The following KIF22 variants were observed in gnomAD, a reference collection of about 807,000 sequenced individuals.
KIF22 encodes kinesin family member 22.
KIF22 carries 62 observed loss-of-function variants against 73.0 expected under a neutral mutation model. The ratio of observed to expected loss-of-function variants is 0.85; its 90% CI spans 0.69 to 1.05. The LOEUF is 1.05. KIF22 is among the 50% of genes least tolerant of loss of function. KIF22 has a pLI of 0.00. For synonymous variants in KIF22, 411 were observed against 340.1 expected, an observed-to-expected ratio of 1.21 and a Z score of -2.29; for missense variants, 854 against 870.1, an observed-to-expected ratio of 0.98 and a Z score of 0.23.
chr16:29,791,024 C>T, intron 1 of KIF22, 195 bp downstream of exon 1: 1 of 1,445,664 alleles, frequency 6.9e-7, no homozygotes, highest in Non-Finnish European at 9.1e-7. Context: ...TCCCTGTTTC[C>T]TGCTCTCCCC....
chr16:29,799,887 C>T (rs1431702092), intron 7 of KIF22, 26 bp from the exon 8 acceptor site: 35 of 1,613,248 alleles, frequency 2.2e-5, no homozygotes, highest in Non-Finnish European at 2.9e-5. Context: ...CAATCCCTCT[C>T]TCCACCCCAT....
chr16:29,800,058 G>A lies in KIF22; in HGVS notation c.1280+10G>A. ...CCTCCCAGAAACTCAGGTGAGCAGTGGGGCCTTGGGTGTATCCCCTTCCTG... is the reference window on the plus strand; with the variant it reads ...CCTCCCAGAAACTCAGGTGAGCAGTAGGGCCTTGGGTGTATCCCCTTCCTG... On this transcript the variant is annotated intron_variant, in intron 8 of 13. Transcript: ENST00000160827. 8 of 1,605,926 alleles carry A rather than the reference G, an allele frequency of 5.0e-6. No homozygotes were observed. Among genetic ancestry groups the A allele is most frequent in the Non-Finnish European group, 6.8e-6 (8 of 1,178,638 alleles).
At position 29,802,897 on chromosome 16, in the gene KIF22, T is replaced by C; in HGVS notation, c.1409T>C (p.Val470Ala). The C allele has an allele frequency of 6.2e-7, 1 of 1,612,486 alleles. No individual in the cohort carries two copies. Among genetic ancestry groups the C allele is most frequent in the Non-Finnish European group, 8.5e-7 (1 of 1,179,460 alleles). Residue 470 changes from valine (V) to alanine (A), a missense_variant, in exon 9 of 14, where the codon GTG (valine) becomes GCG (alanine). Physicochemically the swap from Val to Ala is moderately conservative, Grantham distance 64. Around this residue, in one of 3 missense-constraint regions of KIF22, gnomAD observed 423 missense variants for 365.4 expected, o/e 1.16. Coordinates refer to ENST00000160827, the MANE Select transcript of KIF22 (RefSeq NM_007317.3). The part of the protein sequence containing the change: ...LLSTPKRERM[V>A]LMKTVEEKDL... ...AGTACCCCAAAGCGAGAGCGGATGG[T>C]GCTAATGAAGACAGTGGAAGAGAAG...
intron 1 of KIF22, among the ~76,000 whole-genome samples, chr16:29,793,744 G>C (rs1898880807): frequency 6.6e-6 from 1 of 152,118 alleles, no homozygotes; most frequent in Admixed American, 6.6e-5. Flanking sequence ...GAATTAGCCA[G>C]CCCGAAATGT....
intron 8 of KIF22, among the ~76,000 whole-genome samples, chr16:29,802,169 A>C (rs1478638597): frequency 6.7e-6 from 1 of 148,390 alleles, no homozygotes; most frequent in Non-Finnish European, 1.5e-5. Flanking sequence ...CAGGAGGCTG[A>C]GACAGGGGGA....
chr16:29,803,279 C>G, intron 9 of KIF22, 170 bp from the exon 10 acceptor site: 1 of 747,994 alleles, frequency 1.3e-6, no homozygotes. Context: ...CCCCTAATCA[C>G]AGAAAGCCCT....
intron 1 of KIF22, among the ~76,000 whole-genome samples, chr16:29,795,778 C>CA (rs899661433): frequency 5.3e-5 from 8 of 151,758 alleles, no homozygotes; most frequent in Admixed American, 5.3e-4. Flanking sequence ...AATTCTAAAA[C>CA]AAAACAAAAC....
chr16:29,798,472 G>A lies in KIF22; in HGVS notation c.365G>A (p.Ser122Asn), dbSNP rs536422930. ...CACTTGCTGGAAGGGCAGAATGCCA[G>A]TGTGCTTGCCTATGGACCCACAGGA... ...LRHLLEGQNA[S>N]VLAYGPTGAG... Residue 122 changes from serine to asparagine, a missense_variant, in exon 3 of 14, where the codon AGT (serine) becomes AAT (asparagine). This residue lies in a region of KIF22 where 245 missense variants were observed against 351.8 expected (regional missense o/e 0.70). Coordinates refer to ENST00000160827, the MANE Select transcript of KIF22 (RefSeq NM_007317.3). The surrounding 1 kb of genome is among the most constrained non-coding windows in gnomAD (Gnocchi z 4.1). 1 of 1,614,212 alleles carries A rather than the reference G, an allele frequency of 6.2e-7. No individual in the cohort carries two copies. Among genetic ancestry groups the A allele is most frequent in the African/African-American group, 1.3e-5 (1 of 75,066 alleles).
At position 29,799,649 on chromosome 16, in the gene KIF22, C is replaced by G; in HGVS notation, c.1012C>G (p.His338Asp). 1.2e-6 allele frequency: 2 copies of G among 1,614,080 alleles called. No homozygotes were observed. The highest frequency in any genetic ancestry group is 4.5e-5 in the East Asian group (2 of 44,888). ...TCAGGACTCTCTGGGTGGCTCAGCC[C>G]ACAGTATCCTTATTGCCAACATTGC... is the stretch of plus-strand genomic sequence containing the variant. ...LLQDSLGGSA[H>D]SILIANIAPE... The change falls in exon 7 of 14, where the codon CAC becomes GAC. Residue 338 changes from histidine (H) to aspartate (D), a missense_variant. By Grantham distance (81) the His-to-Asp change is moderately conservative. Coordinates refer to ENST00000160827, the MANE Select transcript of KIF22 (RefSeq NM_007317.3).
intron 10 of KIF22, 78 bp downstream of exon 10, chr16:29,803,686 C>T: frequency 8.4e-7 from 1 of 1,189,262 alleles, no homozygotes; most frequent in Non-Finnish European, 1.2e-6. Flanking sequence ...GCAGCTGTCT[C>T]CATGTCATTC....
intron 11 of KIF22, chr16:29,804,605 C>T (rs1252430246): frequency 1.4e-6 from 1 of 695,504 alleles, no homozygotes; most frequent in East Asian, 2.7e-5. Flanking sequence ...CTAATATTAC[C>T]ACTGGGTACT....
intron 1 of KIF22, among the ~76,000 whole-genome samples, chr16:29,796,622 A>G (rs1898958633): frequency 1.3e-5 from 2 of 151,820 alleles, no homozygotes; most frequent in African/African-American, 4.8e-5. Flanking sequence ...GCATCACCCC[A>G]GGGAGACGGA....
intron 1 of KIF22, chr16:29,792,475 C>A: frequency 1.2e-6 from 1 of 850,880 alleles, no homozygotes; most frequent in Non-Finnish European, 1.4e-6. Context: ...GCAAATACTT[C>A]TTGAGGGCCT....
At position 29,799,036 on chromosome 16, in the gene KIF22, A is replaced by G. The variant is rs761429507; in HGVS notation, c.611A>G (p.Asn204Ser). 5 of 1,614,186 alleles carry G rather than the reference A, an allele frequency of 3.1e-6. No homozygotes were observed. In the South Asian group the frequency reaches 3.3e-5, roughly 11 times the overall value. The change falls in exon 5 of 14, where the codon AAT becomes AGT. Residue 204 changes from asparagine to serine, a missense_variant. Asn to Ser is a conservative substitution (Grantham distance 46). Around this residue, in one of 3 missense-constraint regions of KIF22, gnomAD observed 245 missense variants for 351.8 expected, o/e 0.70. Coordinates refer to ENST00000160827, the MANE Select transcript of KIF22 (RefSeq NM_007317.3). ...GTAATCCGAGAAGACTGCCGGGGGA[A>G]TATCCTGATTCCGGGTCTCTCCCAG... ...DLVIREDCRG[N>S]ILIPGLSQKP...
At chr16:29,795,025 C>A (rs1596843449) in intron 1 of KIF22, among the ~76,000 whole-genome samples, 1 of 152,132 alleles carries the variant, frequency 6.6e-6, no homozygotes, top group Non-Finnish European at 1.5e-5. Context: ...TTACTGACTT[C>A]CCCTTCCCCT....
chr16:29,804,354 T>G (rs1899264727), intron 11 of KIF22: 1 of 602,172 alleles, frequency 1.7e-6, no homozygotes, highest in East Asian at 2.7e-5. Flanking sequence ...AACTATGACC[T>G]AAGCAGTCAA....
intron 10 of KIF22, among the ~76,000 whole-genome samples, 167 bp downstream of exon 10, chr16:29,803,775 T>C (rs1899231960): frequency 6.6e-6 from 1 of 152,164 alleles, no homozygotes; most frequent in South Asian, 2.1e-4. Context: ...TGCCCTCGGG[T>C]GTTTAGGACA....
At position 29,805,137 on chromosome 16, in the gene KIF22, A is replaced by C. The variant is rs772351052; in HGVS notation, c.1913A>C (p.Glu638Ala). 9 of 1,613,378 alleles carry C rather than the reference A, an allele frequency of 5.6e-6. No individual in the cohort carries two copies. In the South Asian group the frequency reaches 9.9e-5, roughly 18 times the overall value. ...CAGGTGGAGGACCTGGAACGCGTGGAGGGCATAACGGGGAAACAGATGGAG... is the reference window on the plus strand; with the variant it reads ...CAGGTGGAGGACCTGGAACGCGTGGCGGGCATAACGGGGAAACAGATGGAG... The part of the protein sequence containing the change: ...FSQVEDLERV[E>A]GITGKQMESF... Residue 638 changes from glutamate to alanine, a missense_variant, in exon 13 of 14, where the codon GAG becomes GCG. This residue lies in a region of KIF22 where 423 missense variants were observed against 365.4 expected (regional missense o/e 1.16). Coordinates refer to ENST00000160827, the MANE Select transcript of KIF22 (RefSeq NM_007317.3).
At chr16:29,790,944 A>C in intron 1 of KIF22, 115 bp downstream of exon 1, 1 of 1,505,126 alleles carries the variant, frequency 6.6e-7, no homozygotes, top group Admixed American at 2.1e-5. Context: ...GCCATGGCGC[A>C]GGGGCGGGGA....
Sources: allele counts gnomAD v4.1 joint callset (sites outside exome capture counted in the v4.1 genomes callset), GRCh38; gene constraint gnomAD v4.1.1; regional missense constraint gnomAD v4.1.1; non-coding constraint Gnocchi (gnomAD v3.1); transcripts MANE v1.5; gene names NCBI Gene and HGNC (gene_info 2026-07-23, HGNC 2026-07-21).